SPACA7: variants seen among roughly 807,000 people sequenced by gnomAD.
SPACA7 encodes the protein sperm acrosome-associated protein 7.
Under a neutral mutation model 26.3 loss-of-function variants are expected in SPACA7, and 19 were observed. The ratio of observed to expected loss-of-function variants is 0.72; its 90% CI spans 0.50 to 1.06. SPACA7 has a LOEUF of 1.06. Among genes scored for constraint, SPACA7 ranks in the 50% least tolerant of loss-of-function variants. The pLI is 0.00. For missense variants in SPACA7, 211 were observed against 229.9 expected, an observed-to-expected ratio of 0.92 and a Z score of 0.53; for synonymous variants, 84 against 84.5, an observed-to-expected ratio of 0.99 and a Z score of 0.04.
intron 5 of SPACA7, among the ~76,000 whole-genome samples, chr13:112,421,225 C>CAA (rs59236283): frequency 1.2e-4 from 10 of 86,814 alleles, no homozygotes; most frequent in African/African-American, 1.5e-4. Context: ...AAGAAACATG[C>CAA]AAAAAAAAAA....
intron 2 of SPACA7, among the ~76,000 whole-genome samples, chr13:112,396,736 G>A (rs910587656): frequency 6.6e-6 from 1 of 152,196 alleles, no homozygotes; most frequent in African/African-American, 2.4e-5. Context: ...CAGCCCCTTG[G>A]CTGGGATCCT....
intron 1 of SPACA7, among the ~76,000 whole-genome samples, chr13:112,387,770 T>C (rs1884621881): frequency 6.6e-6 from 1 of 152,152 alleles, no homozygotes; most frequent in Admixed American, 6.5e-5. Context: ...TATGGAACCA[T>C]AGGCAAGATT....
intron 2 of SPACA7, among the ~76,000 whole-genome samples, chr13:112,394,753 TGA>T (rs1264064360): frequency 5.3e-5 from 8 of 152,316 alleles, no homozygotes; most frequent in South Asian, 2.1e-4. Context: ...TGCCAGATTC[TGA>T]GAGTTTTAGT....
intron 6 of SPACA7, among the ~76,000 whole-genome samples, chr13:112,432,808 C>T (rs1310100022): frequency 1.3e-5 from 2 of 152,204 alleles, no homozygotes; most frequent in Non-Finnish European, 2.9e-5. Flanking sequence ...TCAGGACTCA[C>T]AAGGCTGCCA....
At chr13:112,430,172 C>G (rs78637624) in intron 5 of SPACA7, among the ~76,000 whole-genome samples, 37,161 of 121,152 alleles carry the variant, frequency 0.31, 5,071 homozygotes, top group Middle Eastern at 0.37. Flanking sequence ...GCATCTCTCT[C>G]TCTGTGTGTG....
chr13:112,398,317 A>C (rs1285815864), intron 3 of SPACA7, among the ~76,000 whole-genome samples, 179 bp downstream of exon 3: 1 of 151,942 alleles, frequency 6.6e-6, no homozygotes, highest in East Asian at 1.9e-4. Context: ...GCTTCCCGAG[A>C]CAGAGGAAGT....
intron 1 of SPACA7, among the ~76,000 whole-genome samples, chr13:112,388,340 C>T (rs1053379843): frequency 1.3e-5 from 2 of 152,342 alleles, no homozygotes; most frequent in Non-Finnish European, 2.9e-5. Flanking sequence ...CAAACAGACA[C>T]ACTACAGTGG....
chr13:112,414,969 C>G (rs1363749341), intron 5 of SPACA7, among the ~76,000 whole-genome samples: 1 of 152,170 alleles, frequency 6.6e-6, no homozygotes, highest in Non-Finnish European at 1.5e-5. Context: ...TTCATTGATT[C>G]AAAGGAGACT....
chr13:112,434,375 C>A (rs901083852), intron 6 of SPACA7, 110 bp from the exon 7 acceptor site: 2 of 900,838 alleles, frequency 2.2e-6, no homozygotes, highest in African/African-American at 1.6e-5. Context: ...CCTCCCTCCA[C>A]AACTGAGGGC....
intron 5 of SPACA7, among the ~76,000 whole-genome samples, chr13:112,418,513 G>A (rs1307955641): frequency 6.6e-6 from 1 of 152,232 alleles, no homozygotes; most frequent in African/African-American, 2.4e-5. Context: ...GGGACTTCAA[G>A]TTCTGTGTAT....
At chr13:112,429,386 AAAAG>A (rs1378610851) in intron 5 of SPACA7, among the ~76,000 whole-genome samples, 59 of 152,174 alleles carry the variant, frequency 3.9e-4, no homozygotes, top group Middle Eastern at 6.8e-3. Flanking sequence ...AAAAAAAAAA[AAAAG>A]AAAGAAAGAA....
At chr13:112,395,024 A>G (rs961625310) in intron 2 of SPACA7, among the ~76,000 whole-genome samples, 1 of 152,226 alleles carries the variant, frequency 6.6e-6, no homozygotes, top group African/African-American at 2.4e-5. Context: ...CAGGCAGGCC[A>G]GGCCGAGACT....
At position 112,377,772 on chromosome 13, in the gene SPACA7, T is replaced by C. The variant is rs566539380; in HGVS notation, c.94+1293T>C. ...CTCTTGTTCAAGAAAGAAGAGACAT[T>C]CCTTTTCTCTTTGAACAAGATAAGT... On this transcript the variant is annotated intron_variant, in intron 1 of 6. Transcript: ENST00000283550. Among the ~76,000 whole-genome samples the C allele has an allele frequency of 2.7e-4, 41 of 152,324 alleles. No homozygotes were observed. In the South Asian group the frequency reaches 8.3e-3, roughly 31 times the overall value.
chr13:112,421,979 G>A (rs1876032185), intron 5 of SPACA7, among the ~76,000 whole-genome samples: 1 of 152,126 alleles, frequency 6.6e-6, no homozygotes, highest in South Asian at 2.1e-4. Flanking sequence ...AATGGGAGGA[G>A]GGAGAGGATG....
At chr13:112,379,491 C>G (rs867087197) in intron 1 of SPACA7, among the ~76,000 whole-genome samples, 8 of 152,258 alleles carry the variant, frequency 5.3e-5, no homozygotes, top group Middle Eastern at 3.4e-3. Context: ...TGACATACAA[C>G]ATTACAAGAC....
At position 112,401,218 on chromosome 13, in the gene SPACA7, T is replaced by C. The variant is rs139747495; in HGVS notation, c.445+54T>C. Reference sequence around the variant, plus strand: ...TCTGTGGGAGAGACGGAGGCATGAGTGTGTGAGGTGACTGTCTCCCTCCAG... The same window carrying C: ...TCTGTGGGAGAGACGGAGGCATGAGCGTGTGAGGTGACTGTCTCCCTCCAG... On this transcript the variant is annotated intron_variant, in intron 5 of 6. Transcript: ENST00000283550. The C allele has an allele frequency of 5.4e-4, 754 of 1,391,640 alleles. 3 individuals carry two copies. The African/African-American group carries it at 9.9e-3, about 18-fold the overall frequency. The allele number at this position is 1,391,640 out of a possible 1,614,324, so 86.2% of individuals were successfully genotyped here. A position where few individuals can be genotyped will look rare whatever the true frequency, so the allele number is the denominator to read the frequency against.
At chr13:112,393,699 C>A (rs1208514230) in intron 2 of SPACA7, among the ~76,000 whole-genome samples, 8 of 152,256 alleles carry the variant, frequency 5.3e-5, no homozygotes, top group Non-Finnish European at 1.0e-4. Flanking sequence ...CAGCATGAGC[C>A]GAAGATGTGC....
At chr13:112,381,449 C>T (rs1023006969) in intron 1 of SPACA7, among the ~76,000 whole-genome samples, 14 of 150,770 alleles carry the variant, frequency 9.3e-5, no homozygotes, top group Non-Finnish European at 1.8e-4. Context: ...GTCATGATCA[C>T]ACCCCTGCAC....
At chr13:112,392,481 C>T (rs1795724626) in intron 1 of SPACA7, among the ~76,000 whole-genome samples, 1 of 152,222 alleles carries the variant, frequency 6.6e-6, no homozygotes, top group South Asian at 2.1e-4. Flanking sequence ...CTGAGTCCTG[C>T]CCCTCCTAAA....
Sources: allele counts gnomAD v4.1 joint callset (sites outside exome capture counted in the v4.1 genomes callset), GRCh38; gene constraint gnomAD v4.1.1; transcripts MANE v1.5; gene names NCBI Gene and HGNC (gene_info 2026-07-23, HGNC 2026-07-21).